TNNI3K: variants seen among roughly 807,000 people sequenced by gnomAD.
TNNI3K encodes TNNI3 interacting kinase.
Under a neutral mutation model 114.5 loss-of-function variants are expected in TNNI3K, and 140 were observed. The ratio of observed to expected loss-of-function variants is 1.22; its 90% CI spans 1.07 to 1.41. The LOEUF (loss-of-function observed/expected upper bound fraction) is 1.41, where lower values mean the gene tolerates loss of function less well. Among genes scored for constraint, TNNI3K ranks in the 40% most tolerant of loss-of-function variants. The probability of loss-of-function intolerance (pLI) is 0.00; values close to 1 mark genes in which losing one functional copy is unlikely to be tolerated. For synonymous variants in TNNI3K, 347 were observed against 347.5 expected (o/e 1.00, Z 0.02); for missense variants, 1,125 against 1,007.6 (o/e 1.12, Z -1.58).
chr1:74,419,926 T>C (rs1665314206), intron 17 of TNNI3K, among the ~76,000 whole-genome samples: 1 of 152,110 alleles, frequency 6.6e-6, no homozygotes. Context: ...TTCACAGATT[T>C]CATAATGTAT....
chr1:74,356,117 T>C (rs1262284657), intron 11 of TNNI3K, among the ~76,000 whole-genome samples: 1 of 152,216 alleles, frequency 6.6e-6, no homozygotes, highest in East Asian at 1.9e-4. Context: ...TTTATATAAA[T>C]GAAATGCTAT....
At chr1:74,393,620 A>G (rs941712993) in intron 17 of TNNI3K, among the ~76,000 whole-genome samples, 2 of 152,108 alleles carry the variant, frequency 1.3e-5, no homozygotes, top group East Asian at 3.9e-4. Flanking sequence ...CAAAATTGCT[A>G]TTTTGACTTT....
intron 5 of TNNI3K, among the ~76,000 whole-genome samples, chr1:74,319,154 G>A (rs1659475076): frequency 6.6e-6 from 1 of 152,148 alleles, no homozygotes; most frequent in Non-Finnish European, 1.5e-5. Flanking sequence ...GTCAGTGAGT[G>A]TTTGGAAGAT....
At chr1:74,366,542 C>T (rs1202041088) in intron 11 of TNNI3K, 1 of 152,016 alleles carries the variant, frequency 6.6e-6, no homozygotes, top group East Asian at 1.9e-4. Flanking sequence ...TCAGAGCCTT[C>T]TGCATCTAGC....
chr1:74,404,416 C>G (rs1405432190), intron 17 of TNNI3K, among the ~76,000 whole-genome samples: 2 of 152,120 alleles, frequency 1.3e-5, no homozygotes, highest in Non-Finnish European at 2.9e-5. Context: ...TCCTTCCTCC[C>G]AAGAACTTGA....
intron 11 of TNNI3K, among the ~76,000 whole-genome samples, chr1:74,355,230 TAA>T (rs1007549946): frequency 6.6e-6 from 1 of 152,232 alleles, no homozygotes; most frequent in African/African-American, 2.4e-5. Context: ...ACTCAAATCC[TAA>T]AAGATTGTAC....
intron 5 of TNNI3K, among the ~76,000 whole-genome samples, chr1:74,317,798 G>A (rs922508811): frequency 1.3e-5 from 2 of 152,132 alleles, no homozygotes; most frequent in Non-Finnish European, 2.9e-5. Flanking sequence ...TCAGCCCTGG[G>A]CACTGTTGCC....
At chr1:74,541,954 A>C (rs1165469703) in intron 24 of TNNI3K, among the ~76,000 whole-genome samples, 2 of 152,198 alleles carry the variant, frequency 1.3e-5, no homozygotes, top group African/African-American at 4.8e-5. Context: ...AGAGCTCGAA[A>C]ATGGAGATAA....
intron 20 of TNNI3K, among the ~76,000 whole-genome samples, chr1:74,447,165 AC>A (rs1666737238): frequency 1.3e-5 from 2 of 151,160 alleles, no homozygotes; most frequent in Non-Finnish European, 2.9e-5. Context: ...GATTCTTCCT[AC>A]CCATGAGCAT....
chr1:74,482,059 A>T (rs760629099), intron 21 of TNNI3K, among the ~76,000 whole-genome samples: 5 of 152,288 alleles, frequency 3.3e-5, no homozygotes, highest in Non-Finnish European at 5.9e-5. Context: ...TTCAGCATTT[A>T]TGATTGATTA....
chr1:74,286,050 T>C (rs1412069657), intron 5 of TNNI3K, among the ~76,000 whole-genome samples: 2 of 152,214 alleles, frequency 1.3e-5, no homozygotes, highest in Non-Finnish European at 2.9e-5. Flanking sequence ...TGAGAGATTA[T>C]GGCATCTGAA....
chr1:74,397,022 AC>A (rs1232466521), intron 17 of TNNI3K, among the ~76,000 whole-genome samples: 1 of 152,164 alleles, frequency 6.6e-6, no homozygotes, highest in Non-Finnish European at 1.5e-5. Flanking sequence ...TAAGCTGCTG[AC>A]CCTGAAGGCA....
At chr1:74,466,060 C>G (rs916719742) in intron 21 of TNNI3K, among the ~76,000 whole-genome samples, 1 of 152,190 alleles carries the variant, frequency 6.6e-6, no homozygotes, top group Admixed American at 6.5e-5. Flanking sequence ...CCCCGAAGGT[C>G]TGCAGCTTCA....
intron 4 of TNNI3K, among the ~76,000 whole-genome samples, chr1:74,264,536 C>T (rs1190027901): frequency 6.6e-6 from 1 of 151,982 alleles, no homozygotes; most frequent in Non-Finnish European, 1.5e-5. Context: ...AATTGCTATG[C>T]TGGTGAAGAA....
chr1:74,516,479 G>A (rs2100397519), intron 23 of TNNI3K, among the ~76,000 whole-genome samples: 1 of 152,284 alleles, frequency 6.6e-6, no homozygotes, highest in Non-Finnish European at 1.5e-5. Flanking sequence ...TTTTACTGTG[G>A]GGCTTAGTAT....
intron 5 of TNNI3K, among the ~76,000 whole-genome samples, chr1:74,313,083 G>A (rs866762655): frequency 1.3e-5 from 2 of 152,118 alleles, no homozygotes; most frequent in South Asian, 2.1e-4. Flanking sequence ...GGATCCTAGA[G>A]CCTGGGATTC....
At chr1:74,493,570 G>A (rs959444811) in intron 23 of TNNI3K, among the ~76,000 whole-genome samples, 7 of 152,060 alleles carry the variant, frequency 4.6e-5, no homozygotes, top group South Asian at 2.1e-4. Flanking sequence ...TAATAATTCC[G>A]TATAATAACC....
chr1:74,507,082 A>G (rs1442610331), intron 23 of TNNI3K, among the ~76,000 whole-genome samples: 1 of 152,210 alleles, frequency 6.6e-6, no homozygotes, highest in African/African-American at 2.4e-5. Flanking sequence ...TTAGTTACAA[A>G]TATTACATAG....
chr1:74,488,317 A>G (rs1030985221), intron 21 of TNNI3K, among the ~76,000 whole-genome samples: 4 of 152,108 alleles, frequency 2.6e-5, no homozygotes, highest in African/African-American at 9.7e-5. Flanking sequence ...GTGAGAGGAA[A>G]CAGCTTATAA....
Sources: gnomAD v4.1 joint callset for allele counts (sites outside exome capture counted in the v4.1 genomes callset) on GRCh38, gnomAD v4.1.1 for gene constraint, MANE v1.5 for transcripts, NCBI Gene and HGNC (gene_info 2026-07-23, HGNC 2026-07-21) for gene names.